ZNF69: variants seen among roughly 807,000 people sequenced by gnomAD.
ZNF69 encodes zinc finger protein 69.
Under a neutral mutation model 50.9 loss-of-function variants are expected in ZNF69, and 47 were observed. The ratio of observed to expected loss-of-function variants is 0.92; its 90% confidence interval spans 0.73 to 1.18. The LOEUF is 1.18. ZNF69 is among the 50% of genes most tolerant of loss of function. The pLI is 0.00. For synonymous variants in ZNF69, 216 were observed against 223.1 expected (o/e 0.97, Z 0.29); for missense variants, 717 against 675.1 (o/e 1.06, Z -0.69).
In ZNF69 at chr19:11,897,524, A is replaced by G. The variant is rs925555783; in HGVS notation, c.64-6049A>G. Among the ~76,000 whole-genome samples, 17 of 150,740 alleles carry G rather than the reference A, an allele frequency of 1.1e-4. No individual in the cohort carries two copies. In the East Asian group the frequency reaches 1.6e-3, roughly 14 times the overall value. Reference sequence around the variant, plus strand: ...TAAGAGTTCGAGGCTGCAGTGAGCTATGATTGCACCGCTACACTCCAGCCT... The same window carrying G: ...TAAGAGTTCGAGGCTGCAGTGAGCTGTGATTGCACCGCTACACTCCAGCCT... On this transcript the variant is annotated intron_variant, in intron 1 of 3. Transcript: ENST00000429654.
At chr19:11,964,848 T>TACA in the ZNF69 span, among the ~76,000 whole-genome samples, 1 of 152,064 alleles carries the variant, frequency 6.6e-6, no homozygotes, top group Non-Finnish European at 1.5e-5. Context: ...ATAATCAGAG[T>TACA]ACAGGAAGCA....
At chr19:11,948,681 T>C in the ZNF69 span, 2 of 1,612,136 alleles carry the variant, frequency 1.2e-6, no homozygotes, top group Non-Finnish European at 1.7e-6. Flanking sequence ...ACAGTGGGGA[T>C]GGAACTTATA....
At chr19:11,970,963 G>A in the ZNF69 span, among the ~76,000 whole-genome samples, 1 of 151,952 alleles carries the variant, frequency 6.6e-6, no homozygotes, top group African/African-American at 2.4e-5. Context: ...AAAACTAGAT[G>A]CCCTGGTCTC....
the ZNF69 span, among the ~76,000 whole-genome samples, chr19:11,971,936 C>T: frequency 6.6e-6 from 1 of 151,940 alleles, no homozygotes; most frequent in Non-Finnish European, 1.5e-5. Context: ...GTGGCAGAGG[C>T]CTGTAATCCC....
At chr19:11,941,449 G>A in the ZNF69 span, among the ~76,000 whole-genome samples, 2 of 152,224 alleles carry the variant, frequency 1.3e-5, no homozygotes, top group South Asian at 2.1e-4. Flanking sequence ...CCGTGGGAAG[G>A]CAGCTAAGGC....
chr19:11,949,804 T>C, the ZNF69 span: 59 of 1,613,054 alleles, frequency 3.7e-5, no homozygotes, highest in South Asian at 5.5e-4. Flanking sequence ...ACCCTATGAG[T>C]GTAAGCAATG....
At chr19:11,949,617 T>C in the ZNF69 span, 1 of 1,613,486 alleles carries the variant, frequency 6.2e-7, no homozygotes, top group African/African-American at 1.3e-5. Context: ...AAACTCACAC[T>C]GGAGAGAAAC....
At chr19:11,934,593 C>A in the ZNF69 span, among the ~76,000 whole-genome samples, 3 of 147,240 alleles carry the variant, frequency 2.0e-5, no homozygotes, top group Admixed American at 2.0e-4. Context: ...ATGGCGCAAT[C>A]TCAGCTCACT....
the ZNF69 span, among the ~76,000 whole-genome samples, chr19:11,968,110 C>T: frequency 2.2e-4 from 33 of 152,126 alleles, no homozygotes; most frequent in African/African-American, 6.8e-4. Context: ...AGGAGTGTTT[C>T]TTGTTAGTCT....
chr19:11,897,546 G>A (rs944095794), intron 1 of ZNF69, among the ~76,000 whole-genome samples: 1 of 149,100 alleles, frequency 6.7e-6, no homozygotes, highest in Non-Finnish European at 1.5e-5. Flanking sequence ...CTACACTCCA[G>A]CCTGGGCAAC....
At chr19:11,934,553 T>A in the ZNF69 span, among the ~76,000 whole-genome samples, 1 of 147,914 alleles carries the variant, frequency 6.8e-6, no homozygotes, top group Non-Finnish European at 1.5e-5. Flanking sequence ...GGAGATGCAG[T>A]TTCGCTTTTG....
chr19:11,922,727 C>G, the ZNF69 span, among the ~76,000 whole-genome samples: 9 of 152,270 alleles, frequency 5.9e-5, no homozygotes, highest in Admixed American at 2.0e-4. Context: ...TGATCCAGTC[C>G]ATAAGGAAAT....
chr19:11,962,897 A>G, the ZNF69 span, among the ~76,000 whole-genome samples: 1 of 152,172 alleles, frequency 6.6e-6, no homozygotes, highest in East Asian at 1.9e-4. Flanking sequence ...GTTTAAAGGG[A>G]TGGTTTCACC....
At chr19:11,889,928 G>A (rs1028731998) in intron 1 of ZNF69, among the ~76,000 whole-genome samples, 3 of 152,188 alleles carry the variant, frequency 2.0e-5, no homozygotes, top group Non-Finnish European at 2.9e-5. Flanking sequence ...AAGATACTGT[G>A]CCTGGATGTG....
At chr19:11,927,799 TTTC>T in the ZNF69 span, among the ~76,000 whole-genome samples, 1 of 152,178 alleles carries the variant, frequency 6.6e-6, no homozygotes, top group Non-Finnish European at 1.5e-5. Flanking sequence ...TTCAGGCTGT[TTTC>T]TTCATGGGAA....
chr19:11,912,834 G>A (rs1375312349), intron 4 of ZNF69, among the ~76,000 whole-genome samples: 1 of 152,200 alleles, frequency 6.6e-6, no homozygotes, highest in Non-Finnish European at 1.5e-5. Context: ...TTTGAATACA[G>A]ATAATGAATG....
At chr19:11,950,151 C>T in the ZNF69 span, 760 of 1,613,732 alleles carry the variant, frequency 4.7e-4, 1 homozygote, top group African/African-American at 6.3e-3. Flanking sequence ...GTAAGGAATG[C>T]GGAAAAGCAT....
the ZNF69 span, chr19:11,947,196 G>C: frequency 6.2e-7 from 1 of 1,613,844 alleles, no homozygotes; most frequent in Admixed American, 1.7e-5. Flanking sequence ...AGTGGCCTTT[G>C]AGGATGTGGC....
At chr19:11,976,945 T>C in the ZNF69 span, 1 of 1,573,492 alleles carries the variant, frequency 6.4e-7, no homozygotes, top group Non-Finnish European at 8.6e-7. Flanking sequence ...GGAATAAATG[T>C]TTGGAGTCCA....
Sources: allele counts gnomAD v4.1 joint callset (sites outside exome capture counted in the v4.1 genomes callset), GRCh38; gene constraint gnomAD v4.1.1; transcripts MANE v1.5; gene names NCBI Gene and HGNC (gene_info 2026-07-23, HGNC 2026-07-21).